Variants in CTNNB1 observed in about 807,000 individuals in gnomAD.
CTNNB1 encodes catenin beta-1.
A neutral mutation model predicts 82.5 loss-of-function variants in CTNNB1; 6 were observed. That is an observed-to-expected ratio of 0.07 (90% CI 0.04 to 0.14). The LOEUF (loss-of-function observed/expected upper bound fraction) is 0.14. CTNNB1 is among the 10% of genes least tolerant of loss of function. CTNNB1 has a pLI of 1.00. For missense variants in CTNNB1, 529 were observed against 980.4 expected, an observed-to-expected ratio of 0.54 and a Z score of 6.15; for synonymous variants, 312 against 329.7, an observed-to-expected ratio of 0.95 and a Z score of 0.58.
rs2078546790 is a variant in CTNNB1 at position 41,240,135 on chromosome 3, G to A, written c.*793G>A. 4.9e-6 allele frequency: 1 copy of A among 205,682 alleles called. No individual in the cohort carries two copies. The highest frequency in any genetic ancestry group is 1.9e-4 in the South Asian group (1 of 5,258). 12.7% of individuals were successfully genotyped at this position (205,682 alleles called of 1,614,324 possible). A position where few individuals can be genotyped will look rare whatever the true frequency, so the allele number is the denominator to read the frequency against. ...TAATTCATAATCACTCTAATTAATT[G>A]TAATCTGAATAAAGTGTAACAATTG... On this transcript the variant is annotated 3_prime_UTR_variant, in exon 15 of 15. Coordinates refer to ENST00000349496, the MANE Select transcript of CTNNB1 (RefSeq NM_001904.4).
intron 10 of CTNNB1, chr3:41,234,918 C>G (rs2078400201): frequency 6.3e-6 from 1 of 158,954 alleles, no homozygotes; most frequent in Non-Finnish European, 1.4e-5. Context: ...TGGAGCCTAC[C>G]AGAACAGATG....
At chr3:41,218,765 C>T (rs369854946) in intron 1 of CTNNB1, among the ~76,000 whole-genome samples, 17 of 152,144 alleles carry the variant, frequency 1.1e-4, no homozygotes, top group African/African-American at 3.9e-4. Flanking sequence ...CCATGTTGCC[C>T]AGGCTGGTCT....
In CTNNB1 at chr3:41,225,962, A is replaced by G. The variant is rs1023078009; in HGVS notation, c.936+101A>G. The G allele has an allele frequency of 2.7e-6, 3 of 1,102,832 alleles. No homozygotes were observed. The highest frequency in any genetic ancestry group is 1.5e-5 in the African/African-American group (1 of 64,558). The allele number at this position is 1,102,832 out of a possible 1,614,324, so 68.3% of individuals were successfully genotyped here. A position where few individuals can be genotyped will look rare whatever the true frequency, so the allele number is the denominator to read the frequency against. On this transcript the variant is annotated intron_variant, in intron 6 of 14. Transcript: ENST00000349496. This position sits in a 1 kb window ranked among gnomAD's most constrained non-coding sequence, Gnocchi z 5.3. Reference sequence around the variant, plus strand: ...CCTAACCTTTTTGGCACCAGGGACCAGTTTCGTGGAAAACAGTTTTTCCAT... The same window carrying G: ...CCTAACCTTTTTGGCACCAGGGACCGGTTTCGTGGAAAACAGTTTTTCCAT...
chr3:41,230,408 A>G (rs1334955409), intron 7 of CTNNB1, among the ~76,000 whole-genome samples: 7 of 152,208 alleles, frequency 4.6e-5, no homozygotes, highest in Admixed American at 4.6e-4. Context: ...CTGGAAGCTT[A>G]GGAATCTTTA....
At chr3:41,237,726 T>A in intron 13 of CTNNB1, 2 of 233,778 alleles carry the variant, frequency 8.6e-6, no homozygotes, top group Non-Finnish European at 1.6e-5. Context: ...TTTAAACTGC[T>A]ATATCTCTAG....
At position 41,239,868 on chromosome 3, in the gene CTNNB1, C is replaced by G. The variant is rs1247066167; in HGVS notation, c.*526C>G. The G allele has an allele frequency of 8.6e-6, 2 of 231,802 alleles. No homozygotes were observed. Among genetic ancestry groups the G allele is most frequent in the Non-Finnish European group, 1.7e-5 (2 of 118,142 alleles). The allele number at this position is 231,802 out of a possible 1,614,324, so 14.4% of individuals were successfully genotyped here. On this transcript the variant is annotated 3_prime_UTR_variant, in exon 15 of 15. Transcript: ENST00000349496. ...GGAGTGACTCAAGAAGTGAAGAATG[C>G]ACAAGAATGGATCACAAGATGGAAT...
chr3:41,214,646 C>T (rs2125600472), intron 1 of CTNNB1, among the ~76,000 whole-genome samples: 1 of 152,164 alleles, frequency 6.6e-6, no homozygotes, highest in East Asian at 1.9e-4. Flanking sequence ...GCTTAATGTG[C>T]TTAATTCAAA....
Position 41,239,597 on chromosome 3 carries a change from A to G in CTNNB1, c.*255A>G. The G allele has an allele frequency of 1.9e-6, 1 of 537,782 alleles. No homozygotes were observed. The highest frequency in any genetic ancestry group is 2.0e-5 in the South Asian group (1 of 48,928). 33.3% of individuals were successfully genotyped at this position (537,782 alleles called of 1,614,324 possible). A position where few individuals can be genotyped will look rare whatever the true frequency, so the allele number is the denominator to read the frequency against. Reference sequence around the variant, plus strand: ...TTTTTGCCACAGCTTTTGCAACTTAATACTCAAATGAGTAACATTTGCTGT... The same window carrying G: ...TTTTTGCCACAGCTTTTGCAACTTAGTACTCAAATGAGTAACATTTGCTGT... On this transcript the variant is annotated 3_prime_UTR_variant, in exon 15 of 15. Transcript: ENST00000349496.
intron 1 of CTNNB1, among the ~76,000 whole-genome samples, chr3:41,203,199 A>ATCCACTGGAT (rs1468181415): frequency 1.4e-5 from 2 of 145,318 alleles, no homozygotes; most frequent in Non-Finnish European, 3.1e-5. Flanking sequence ...GATATAGTAT[A>ATCCACTGGAT]ATGCTTGTGA....
At chr3:41,226,863 T>G (rs11564447) in intron 6 of CTNNB1, among the ~76,000 whole-genome samples, 4,178 of 152,266 alleles carry the variant, frequency 0.027, 89 homozygotes, top group Middle Eastern at 0.058. Context: ...TTTCAGTGAA[T>G]CAGTTTTGAT....
chr3:41,200,651 C>G (rs570248896), intron 1 of CTNNB1, among the ~76,000 whole-genome samples: 1 of 152,352 alleles, frequency 6.6e-6, no homozygotes, highest in Admixed American at 6.5e-5. Context: ...TTCCTTCGCT[C>G]CAAAGCTGGC....
In CTNNB1 at chr3:41,239,315, G is replaced by T. The variant is rs1340254110; in HGVS notation, c.2319G>T (p.Gln773His). The T allele has an allele frequency of 1.2e-6, 2 of 1,614,142 alleles. No homozygotes were observed. Among genetic ancestry groups the T allele is most frequent in the South Asian group, 1.1e-5 (1 of 91,082 alleles). Residue 773 changes from glutamine to histidine, a missense_variant, in exon 15 of 15, where the codon CAG becomes CAT. Transcript: ENST00000349496. ...GGCTGCCTCCAGGTGACAGCAATCAGCTGGCCTGGTTTGATACTGACCTGT... is the reference window on the plus strand; with the variant it reads ...GGCTGCCTCCAGGTGACAGCAATCATCTGGCCTGGTTTGATACTGACCTGT... ...MDGLPPGDSN[Q>H]LAWFDTDL is the part of the protein sequence containing the mutation.
At chr3:41,231,566 A>G (rs555988299) in intron 7 of CTNNB1, among the ~76,000 whole-genome samples, 34 of 152,320 alleles carry the variant, frequency 2.2e-4, no homozygotes, top group African/African-American at 7.2e-4. Flanking sequence ...TTGGAAGGCT[A>G]GGTGGGATCC....
At chr3:41,212,230 C>G (rs2077810734) in intron 1 of CTNNB1, among the ~76,000 whole-genome samples, 1 of 152,162 alleles carries the variant, frequency 6.6e-6, no homozygotes, top group African/African-American at 2.4e-5. Context: ...GGTCCTTGCC[C>G]TGTTTTTGTA....
intron 11 of CTNNB1, 61 bp from the exon 12 acceptor site, chr3:41,236,288 G>T: frequency 1.9e-6 from 3 of 1,597,248 alleles, no homozygotes; most frequent in South Asian, 1.1e-5. Context: ...GCACCACAGT[G>T]GGGGGCTTGC....
At chr3:41,219,906 A>T (rs1575307642) in intron 1 of CTNNB1, among the ~76,000 whole-genome samples, 1 of 152,336 alleles carries the variant, frequency 6.6e-6, no homozygotes, top group South Asian at 2.1e-4. Context: ...TGGAGGAGGT[A>T]GCTTATAGTA....
chr3:41,210,247 A>G (rs1481241954), intron 1 of CTNNB1, among the ~76,000 whole-genome samples: 1 of 152,112 alleles, frequency 6.6e-6, no homozygotes, highest in Non-Finnish European at 1.5e-5. Flanking sequence ...AGGTCAGGAG[A>G]TAAGAGACCA....
At chr3:41,226,728 G>A (rs987409220) in intron 6 of CTNNB1, among the ~76,000 whole-genome samples, 8 of 152,116 alleles carry the variant, frequency 5.3e-5, no homozygotes, top group African/African-American at 1.9e-4. Flanking sequence ...TGAAAGGGAA[G>A]ATATACAGGG....
chr3:41,239,014 T>C (rs1374109963), intron 14 of CTNNB1, 120 bp from the exon 15 acceptor site: 1 of 867,386 alleles, frequency 1.2e-6, no homozygotes, highest in African/African-American at 1.6e-5. Context: ...CGTTGTTTTC[T>C]GACAAGTTTG....
Sources: allele counts gnomAD v4.1 joint callset (sites outside exome capture counted in the v4.1 genomes callset), GRCh38; gene constraint gnomAD v4.1.1; non-coding constraint Gnocchi (gnomAD v3.1); transcripts MANE v1.5; gene names NCBI Gene and HGNC (gene_info 2026-07-23, HGNC 2026-07-21).